The following SLC13A1 variants were observed in gnomAD, a reference collection of about 807,000 sequenced individuals.
SLC13A1 encodes solute carrier family 13 member 1.
SLC13A1 carries 65 observed loss-of-function variants against 70.0 expected under a neutral mutation model. The observed-to-expected ratio is 0.93, with a 90% CI of 0.76 to 1.14. The LOEUF (loss-of-function observed/expected upper bound fraction) is 1.14, where lower values mean the gene tolerates loss of function less well. SLC13A1 is among the 50% of genes most tolerant of loss of function. SLC13A1 has a pLI of 0.00. For synonymous variants in SLC13A1, 275 were observed against 250.5 expected, an observed-to-expected ratio of 1.10 and a Z score of -0.92; for missense variants, 726 against 717.8, an observed-to-expected ratio of 1.01 and a Z score of -0.13.
At chr7:123,116,380 A>T (rs1490237054) in intron 14 of SLC13A1, among the ~76,000 whole-genome samples, 3 of 152,210 alleles carry the variant, frequency 2.0e-5, no homozygotes, top group African/African-American at 7.2e-5. Context: ...TGCTTTCATG[A>T]TACAATGGCA....
intron 2 of SLC13A1, among the ~76,000 whole-genome samples, chr7:123,176,498 G>T (rs1795450230): frequency 6.6e-6 from 1 of 152,152 alleles, no homozygotes; most frequent in South Asian, 2.1e-4. Context: ...TTTGCAATCA[G>T]AGCACCTGAG....
intron 8 of SLC13A1, among the ~76,000 whole-genome samples, chr7:123,133,572 C>T (rs1337713698): frequency 6.6e-6 from 1 of 152,108 alleles, no homozygotes; most frequent in African/African-American, 2.4e-5. Flanking sequence ...GAGTCTCGCT[C>T]TGTCATCCAG....
At position 123,190,233 on chromosome 7, in the gene SLC13A1, G is replaced by A. The variant is rs561428148; in HGVS notation, c.100-9132C>T. Among the ~76,000 whole-genome samples the A allele has an allele frequency of 1.2e-4, 19 of 152,180 alleles. No homozygotes were observed. In the East Asian group the frequency reaches 3.7e-3, roughly 29 times the overall value. ...AATGATAGCCATAAGGCTTATTCAG[G>A]CATCTTGCTGATACTACATGTCACG... On this transcript the variant is annotated intron_variant, in intron 1 of 14. Transcript: ENST00000194130.
rs201230273 is a variant in SLC13A1, at chr7:123,123,135, A to G, written c.1341T>C (p.Asp447=). Residue 447 remains aspartate, a synonymous_variant, in exon 12 of 15, where the codon GAT becomes GAC. Transcript: ENST00000194130. The stretch of plus-strand genomic sequence containing the variant: ...ACACACAGAGTATTACCTCACAACC[A>G]TCTGCCAGGGCAAACCCTCCACCAA... ...ILVGGGFALA[D]GCEESGLSKW... 127 of 1,610,470 alleles carry G rather than the reference A, an allele frequency of 7.9e-5. No homozygotes were observed. Among genetic ancestry groups the G allele is most frequent in the Middle Eastern group, 3.3e-4 (2 of 6,080 alleles).
chr7:123,118,973 G>A, intron 13 of SLC13A1, 108 bp downstream of exon 13: 1 of 884,542 alleles, frequency 1.1e-6, no homozygotes. Flanking sequence ...ACTTACAGGA[G>A]GCCCATTTAG....
chr7:123,124,329 C>A (rs372298643), intron 11 of SLC13A1, among the ~76,000 whole-genome samples: 2 of 152,172 alleles, frequency 1.3e-5, no homozygotes, highest in African/African-American at 4.8e-5. Context: ...TCCTTGGGGT[C>A]CCATAGGAAT....
chr7:123,162,852 T>C, intron 6 of SLC13A1, among the ~76,000 whole-genome samples: 1 of 152,144 alleles, frequency 6.6e-6, no homozygotes. Context: ...CAATACCTAA[T>C]TAAAAGCAAG....
At position 123,168,418 on chromosome 7, in the gene SLC13A1, T is replaced by G. The variant is rs1418897657; in HGVS notation, c.616A>C (p.Asn206His). The change falls in exon 6 of 15, where the codon AAT becomes CAT. Residue 206 changes from asparagine (N) to histidine (H), a missense_variant. Asn to His is a moderately conservative substitution (Grantham distance 68). Coordinates refer to ENST00000194130, the MANE Select transcript of SLC13A1 (RefSeq NM_022444.4). ...CTTGAAATTTTCCCTGTATCATTAT[T>G]GTATCTGAAAAATACATTGATCCAG... ...KEKTKPVPGY[N>H]NDTGKISSKV... The G allele has an allele frequency of 6.3e-7, 1 of 1,595,374 alleles. No individual in the cohort carries two copies. The highest frequency in any genetic ancestry group is 1.7e-5 in the Admixed American group (1 of 59,698).
intron 2 of SLC13A1, among the ~76,000 whole-genome samples, chr7:123,180,271 A>G (rs1795595678): frequency 6.6e-6 from 1 of 152,174 alleles, no homozygotes; most frequent in African/African-American, 2.4e-5. Flanking sequence ...GTAAGCCTCA[A>G]GAGAGCAATG....
intron 6 of SLC13A1, among the ~76,000 whole-genome samples, chr7:123,160,675 T>C (rs1375464482): frequency 1.3e-5 from 2 of 152,192 alleles, no homozygotes; most frequent in African/African-American, 4.8e-5. Flanking sequence ...ATATTTATTA[T>C]AGCTGACTAT....
At chr7:123,138,311 G>T (rs570078704) in intron 7 of SLC13A1, among the ~76,000 whole-genome samples, 7 of 151,986 alleles carry the variant, frequency 4.6e-5, no homozygotes, top group Admixed American at 1.3e-4. Flanking sequence ...TCATCCATCC[G>T]TTGATAGGCA....
chr7:123,176,379 C>A (rs1194341104), intron 2 of SLC13A1, among the ~76,000 whole-genome samples: 1 of 152,054 alleles, frequency 6.6e-6, no homozygotes, highest in Non-Finnish European at 1.5e-5. Flanking sequence ...ATTCTCAAGG[C>A]AAAATTGATA....
At chr7:123,135,476 A>C (rs1403510088) in intron 7 of SLC13A1, among the ~76,000 whole-genome samples, 2 of 152,176 alleles carry the variant, frequency 1.3e-5, no homozygotes, top group African/African-American at 4.8e-5. Flanking sequence ...AAAGATATAC[A>C]GAAGTAATAA....
In SLC13A1 at chr7:123,114,798, TCA is replaced by T. The variant is rs1407408908; in HGVS notation, c.*718_*719del. The T allele has an allele frequency of 6.6e-6, 1 of 152,226 alleles. No individual in the cohort carries two copies. The highest frequency in any genetic ancestry group is 2.4e-5 in the African/African-American group (1 of 41,470). 9.4% of individuals were successfully genotyped at this position (152,226 alleles called of 1,614,324 possible). A position where few individuals can be genotyped will look rare whatever the true frequency, so the allele number is the denominator to read the frequency against. ...TCCATAGCTCTACAAAATGAATTTC[TCA>T]GTGTGCCAATATCATAAAAATATGA... On this transcript the variant is annotated 3_prime_UTR_variant, in exon 15 of 15. Coordinates refer to ENST00000194130, the MANE Select transcript of SLC13A1 (RefSeq NM_022444.4).
intron 2 of SLC13A1, among the ~76,000 whole-genome samples, chr7:123,180,111 A>G (rs1413089484): frequency 1.3e-5 from 2 of 152,132 alleles, no homozygotes; most frequent in Non-Finnish European, 2.9e-5. Context: ...AAAACCCAGT[A>G]AGAAAAGAGG....
At chr7:123,161,530 T>C (rs1794900904) in intron 6 of SLC13A1, among the ~76,000 whole-genome samples, 1 of 152,168 alleles carries the variant, frequency 6.6e-6, no homozygotes, top group Admixed American at 6.6e-5. Context: ...CCTTCCACTT[T>C]CTCCTTTCCT....
Position 123,128,868 on chromosome 7 carries a change from A to G in SLC13A1, c.1110T>C (p.Pro370=), listed in dbSNP as rs374062367. ...ACTCTGAAAAAAGTGCAGACCAACC[A>G]GGAACAAATCCGGGGTCTCGACTAA... ...LWFSRDPGFV[P]GWSALFSEYP... The change falls in exon 10 of 15, where the codon CCT becomes CCC. Residue 370 remains proline (P), a synonymous_variant. Transcript: ENST00000194130. 88 of 1,613,390 alleles carry G rather than the reference A, an allele frequency of 5.5e-5. No individual in the cohort carries two copies. The highest frequency in any genetic ancestry group is 3.3e-4 in the Middle Eastern group (2 of 6,058).
At chr7:123,119,385 G>A (rs28364220) in intron 12 of SLC13A1, 143 bp from the exon 13 acceptor site, 4 of 643,780 alleles carry the variant, frequency 6.2e-6, no homozygotes, top group African/African-American at 3.8e-5. Flanking sequence ...CTGTGGTTTG[G>A]TAGGTCTGGG....
chr7:123,128,574 G>A (rs1202072482), intron 10 of SLC13A1, among the ~76,000 whole-genome samples: 2 of 152,044 alleles, frequency 1.3e-5, no homozygotes, highest in Non-Finnish European at 2.9e-5. Context: ...TAATTTTGTA[G>A]GGATGGGAAT....
Sources: gnomAD v4.1 joint callset for allele counts (sites outside exome capture counted in the v4.1 genomes callset) on GRCh38, gnomAD v4.1.1 for gene constraint, MANE v1.5 for transcripts, NCBI Gene and HGNC (gene_info 2026-07-23, HGNC 2026-07-21) for gene names.